Variants in ERN1 observed in about 807,000 individuals in gnomAD.
ERN1 encodes the protein serine/threonine-protein kinase/endoribonuclease IRE1.
Under a neutral mutation model 113.1 loss-of-function variants are expected in ERN1, and 39 were observed. The observed-to-expected ratio is 0.34, with a 90% CI of 0.27 to 0.45. The LOEUF is 0.45. Among genes scored for constraint, ERN1 ranks in the 20% least tolerant of loss-of-function variants. The pLI, the probability that ERN1 is intolerant of heterozygous loss-of-function variation, is 1.00. For missense variants in ERN1, 976 were observed against 1,274.8 expected (o/e 0.77, Z 3.57); for synonymous variants, 507 against 515.9 (o/e 0.98, Z 0.23).
chr17:64,045,621 C>T (rs2143314523), intron 19 of ERN1, 139 bp from the exon 20 acceptor site: 2 of 994,396 alleles, frequency 2.0e-6, no homozygotes, highest in Admixed American at 2.0e-5. Context: ...CCCCCTCCCT[C>T]CCTCATCCAT....
intron 12 of ERN1, among the ~76,000 whole-genome samples, 173 bp downstream of exon 12, chr17:64,057,629 A>G (rs1325144533): frequency 6.6e-6 from 1 of 152,168 alleles, no homozygotes; most frequent in African/African-American, 2.4e-5. Flanking sequence ...CGGCCTCCCA[A>G]AGTGCTGGGA....
Position 64,044,236 on chromosome 17 carries a change from G to C in ERN1, c.2722-36C>G. 2.1e-6 allele frequency: 3 copies of C among 1,410,962 alleles called. No individual in the cohort carries two copies. The highest frequency in any genetic ancestry group is 2.8e-6 in the Non-Finnish European group (3 of 1,058,614). 87.4% of individuals were successfully genotyped at this position (1,410,962 alleles called of 1,614,324 possible). ...TTAGAAAGCTCGGGAGATTAGAAAG[G>C]GGTTAGAAAGCTCGGGAAATGTTGG... On this transcript the variant is annotated intron_variant, in intron 21 of 21. Coordinates refer to ENST00000433197, the MANE Select transcript of ERN1 (RefSeq NM_001433.5). This position sits in a 1 kb window ranked among gnomAD's most constrained non-coding sequence, Gnocchi z 4.1.
chr17:64,083,173 A>G (rs112004751), intron 2 of ERN1, among the ~76,000 whole-genome samples: 2,978 of 152,294 alleles, frequency 0.02, 96 homozygotes, highest in African/African-American at 0.066. Context: ...CAGGCTGTTG[A>G]TAACAGTTAA....
At chr17:64,089,737 G>A (rs1041037423) in intron 2 of ERN1, among the ~76,000 whole-genome samples, 70 of 152,146 alleles carry the variant, frequency 4.6e-4, no homozygotes, top group African/African-American at 1.6e-3. Context: ...GGAAAAGAGT[G>A]TCAGCAAAAC....
chr17:64,113,657 G>A (rs998789398), intron 1 of ERN1, among the ~76,000 whole-genome samples: 4 of 149,438 alleles, frequency 2.7e-5, no homozygotes, highest in South Asian at 4.3e-4. Flanking sequence ...TTATAGGCAC[G>A]AGTCACCATG....
chr17:64,087,510 C>T (rs1567875756), intron 2 of ERN1, among the ~76,000 whole-genome samples: 1 of 152,188 alleles, frequency 6.6e-6, no homozygotes, highest in Non-Finnish European at 1.5e-5. Context: ...GTCCCCAAAC[C>T]AGTCCCTTTT....
chr17:64,123,530 G>A (rs1389085687), intron 1 of ERN1, among the ~76,000 whole-genome samples: 2 of 152,104 alleles, frequency 1.3e-5, no homozygotes, highest in Admixed American at 1.3e-4. Context: ...ACTGATAAAA[G>A]AAAATAGCAT....
rs755040095 is a variant in ERN1, at chr17:64,052,818, C to A, written c.2215G>T (p.Ala739Ser). ...CAGTCTTCGCTCAGCATCTCTGGAGCGATCCAGCCTTCTGTGCCAGGCACC... is the reference window on the plus strand; with the variant it reads ...CAGTCTTCGCTCAGCATCTCTGGAGAGATCCAGCCTTCTGTGCCAGGCACC... ...SGVPGTEGWIAPEMLSEDCKE... is the reference protein window; with the variant it reads ...SGVPGTEGWISPEMLSEDCKE... The change falls in exon 17 of 22, where the codon GCT (alanine) becomes TCT (serine). Residue 739 changes from alanine to serine, a missense_variant. This residue lies in a region of ERN1 where 297 missense variants were observed against 457.8 expected (regional missense o/e 0.65). Transcript: ENST00000433197. 6.2e-7 allele frequency: 1 copy of A among 1,613,998 alleles called. No individual in the cohort carries two copies. Among genetic ancestry groups the A allele is most frequent in the Non-Finnish European group, 8.5e-7 (1 of 1,179,904 alleles).
At chr17:64,111,911 C>T (rs1304730504) in intron 1 of ERN1, among the ~76,000 whole-genome samples, 1 of 152,082 alleles carries the variant, frequency 6.6e-6, no homozygotes, top group African/African-American at 2.4e-5. Flanking sequence ...AGGAAGTAAA[C>T]CAAACTCAAA....
In ERN1 at chr17:64,075,259, AAAAAAAAG is replaced by A; in HGVS notation, c.283-20_283-13del. ...GTAAAAGGAAGTTTCTTTAAAAAAA[AAAAAAAAG>A]AAAAAAAAAAGTTAACCAAGTCTTG... On this transcript the variant is annotated splice_polypyrimidine_tract_variant and intron_variant, in intron 4 of 21. Coordinates refer to ENST00000433197, the MANE Select transcript of ERN1 (RefSeq NM_001433.5). 2 of 1,491,632 alleles carry A rather than the reference AAAAAAAAG, an allele frequency of 1.3e-6. No individual in the cohort carries two copies. Among genetic ancestry groups the A allele is most frequent in the Non-Finnish European group, 1.8e-6 (2 of 1,127,124 alleles). The allele number at this position is 1,491,632 out of a possible 1,614,324, so 92.4% of individuals were successfully genotyped here.
chr17:64,108,153 A>C (rs1914579686), intron 1 of ERN1, among the ~76,000 whole-genome samples: 1 of 152,098 alleles, frequency 6.6e-6, no homozygotes, highest in Middle Eastern at 3.2e-3. Context: ...CACCCAAGAC[A>C]GTTAGGACTC....
intron 6 of ERN1, among the ~76,000 whole-genome samples, chr17:64,071,127 T>C (rs1567869507): frequency 1.3e-5 from 2 of 152,184 alleles, no homozygotes; most frequent in Non-Finnish European, 2.9e-5. Flanking sequence ...GTGCAAGCCA[T>C]GCCTGTCAAG....
rs1310189932 is a variant in ERN1 at position 64,077,900 on chromosome 17, C to T, written c.282+1762G>A. On this transcript the variant is annotated intron_variant, in intron 4 of 21. Transcript: ENST00000433197. ...AGCTGGGACTATAGGCGCCCGCCAC[C>T]GCACCTGGCTAATTTTTTGTATTTT... Among the ~76,000 whole-genome samples the T allele has an allele frequency of 5.3e-5, 8 of 152,248 alleles. No homozygotes were observed. In the South Asian group the frequency reaches 6.2e-4, roughly 12 times the overall value.
chr17:64,126,521 A>G (rs956031830), intron 1 of ERN1, among the ~76,000 whole-genome samples: 1 of 152,100 alleles, frequency 6.6e-6, no homozygotes, highest in African/African-American at 2.4e-5. Context: ...AATATGGGCT[A>G]TTGTTGAACT....
chr17:64,081,611 C>T (rs945523893), intron 2 of ERN1, among the ~76,000 whole-genome samples: 1 of 152,124 alleles, frequency 6.6e-6, no homozygotes, highest in African/African-American at 2.4e-5. Flanking sequence ...CTTCAATGTA[C>T]CTAATTAGAT....
chr17:64,080,544 A>C, intron 3 of ERN1: 2 of 479,282 alleles, frequency 4.2e-6, no homozygotes, highest in South Asian at 5.2e-5. Flanking sequence ...GCTCAACTTG[A>C]GTTTCATCTC....
chr17:64,118,902 A>G (rs1914879460), intron 1 of ERN1, among the ~76,000 whole-genome samples: 1 of 152,138 alleles, frequency 6.6e-6, no homozygotes, highest in African/African-American at 2.4e-5. Context: ...CTTCCAAAAC[A>G]TATGTTCCCA....
At chr17:64,071,204 T>A (rs1290778534) in intron 6 of ERN1, among the ~76,000 whole-genome samples, 10 of 152,054 alleles carry the variant, frequency 6.6e-5, no homozygotes, top group Admixed American at 6.5e-4. Context: ...GCCCCTAGAA[T>A]GGGAGAGCCG....
At chr17:64,060,364 C>T in intron 11 of ERN1, 105 bp downstream of exon 11, 2 of 746,590 alleles carry the variant, frequency 2.7e-6, no homozygotes, top group Non-Finnish European at 4.8e-6. Context: ...ATTCCTCTTC[C>T]CTCCCAGACT....
Sources: gnomAD v4.1 joint callset for allele counts (sites outside exome capture counted in the v4.1 genomes callset) on GRCh38, gnomAD v4.1.1 for gene constraint, gnomAD v4.1.1 regional missense constraint, Gnocchi (gnomAD v3.1) non-coding constraint, MANE v1.5 for transcripts, NCBI Gene and HGNC (gene_info 2026-07-23, HGNC 2026-07-21) for gene names.